Variants in FRMD3 observed in about 807,000 individuals in gnomAD.
FRMD3 encodes the protein FERM domain-containing protein 3.
Under a neutral mutation model 70.2 loss-of-function variants are expected in FRMD3, and 33 were observed. The ratio of observed to expected loss-of-function variants is 0.47; its 90% CI spans 0.36 to 0.63. The LOEUF is 0.63. Ranked by LOEUF, FRMD3 falls within the 20% of genes least tolerant of loss-of-function variation. The pLI is 0.00. For synonymous variants in FRMD3, 279 were observed against 255.9 expected (o/e 1.09, Z -0.86); for missense variants, 632 against 711.4 (o/e 0.89, Z 1.27).
chr9:83,342,692 T>TTAGATAGA (rs71498046), intron 5 of FRMD3, among the ~76,000 whole-genome samples: 4,433 of 146,970 alleles, frequency 0.03, 81 homozygotes, highest in East Asian at 0.041. Context: ...GATGGATAGA[T>TTAGATAGA]TAGATAGATA....
chr9:83,459,976 T>A (rs1827924966), intron 1 of FRMD3, among the ~76,000 whole-genome samples: 1 of 152,224 alleles, frequency 6.6e-6, no homozygotes, highest in Non-Finnish European at 1.5e-5. Flanking sequence ...AGCTCTCTGG[T>A]GTCTCTTCTT....
In FRMD3 at chr9:83,427,154, A is replaced by C. The variant is rs116675388; in HGVS notation, c.148-37446T>G. On this transcript the variant is annotated intron_variant, in intron 1 of 13. Transcript: ENST00000304195. ...AATTCAGGTTCCCAGACCAAAGTGT[A>C]ATCTGTGGAATCAGAAACCCATGAG... 2.6e-3 allele frequency among the ~76,000 whole-genome samples: 395 copies of C among 152,328 alleles called. 3 individuals are homozygous for C. Among genetic ancestry groups the C allele is most frequent in the African/African-American group, 9.1e-3 (380 of 41,574 alleles).
At chr9:83,321,225 GT>G (rs1835788409) in intron 6 of FRMD3, among the ~76,000 whole-genome samples, 1 of 152,030 alleles carries the variant, frequency 6.6e-6, no homozygotes, top group Admixed American at 6.6e-5. Context: ...TCTGCTAAGT[GT>G]GTGTTTAGTT....
chr9:83,408,411 A>C (rs2131334492), intron 1 of FRMD3, among the ~76,000 whole-genome samples: 1 of 152,238 alleles, frequency 6.6e-6, no homozygotes, highest in South Asian at 2.1e-4. Flanking sequence ...TCATGTCCTA[A>C]GAACCCCCAC....
the FRMD3 span, among the ~76,000 whole-genome samples, chr9:83,559,227 T>C: frequency 6.6e-6 from 1 of 152,216 alleles, no homozygotes; most frequent in Non-Finnish European, 1.5e-5. Context: ...GCAAACTTTA[T>C]AGTTGTCTTA....
chr9:83,551,562 C>T, the FRMD3 span, among the ~76,000 whole-genome samples: 1 of 152,116 alleles, frequency 6.6e-6, no homozygotes, highest in Non-Finnish European at 1.5e-5. Flanking sequence ...ACCACCTCTT[C>T]TTTGTACATC....
At chr9:83,492,336 C>T (rs764875874) in intron 1 of FRMD3, among the ~76,000 whole-genome samples, 3 of 151,870 alleles carry the variant, frequency 2.0e-5, no homozygotes, top group Non-Finnish European at 2.9e-5. Context: ...TCATTCATAA[C>T]AAAAACATTA....
intron 1 of FRMD3, among the ~76,000 whole-genome samples, chr9:83,488,222 G>A (rs1313315937): frequency 2.0e-5 from 3 of 152,198 alleles, no homozygotes; most frequent in African/African-American, 7.2e-5. Flanking sequence ...CATGGAGGAT[G>A]CACAACATCT....
chr9:83,408,938 A>C (rs1183310732), intron 1 of FRMD3, among the ~76,000 whole-genome samples: 2 of 152,232 alleles, frequency 1.3e-5, no homozygotes, highest in Non-Finnish European at 2.9e-5. Flanking sequence ...GCGAGAAGGA[A>C]GAGAGCAGCA....
intron 1 of FRMD3, among the ~76,000 whole-genome samples, chr9:83,527,655 G>C (rs1829713407): frequency 6.6e-6 from 1 of 152,120 alleles, no homozygotes; most frequent in Non-Finnish European, 1.5e-5. Context: ...AAGACTTCCT[G>C]AATCCGAGTC....
At chr9:83,383,718 C>A (rs1825426999) in intron 2 of FRMD3, among the ~76,000 whole-genome samples, 1 of 152,174 alleles carries the variant, frequency 6.6e-6, no homozygotes, top group South Asian at 2.1e-4. Context: ...CTGATTTTTC[C>A]TGACTCAAAC....
At chr9:83,527,613 T>A (rs975190912) in intron 1 of FRMD3, among the ~76,000 whole-genome samples, 1 of 152,084 alleles carries the variant, frequency 6.6e-6, no homozygotes, top group African/African-American at 2.4e-5. Flanking sequence ...CCTGGAAGCG[T>A]GCTAAGAATG....
intron 5 of FRMD3, among the ~76,000 whole-genome samples, chr9:83,337,984 T>A (rs1823633662): frequency 5.3e-5 from 8 of 152,214 alleles, no homozygotes; most frequent in Admixed American, 4.6e-4. Flanking sequence ...AGATGACAAC[T>A]TGAAAGAACA....
chr9:83,341,314 T>TA (rs1823746502), intron 5 of FRMD3, among the ~76,000 whole-genome samples: 1 of 152,130 alleles, frequency 6.6e-6, no homozygotes. Flanking sequence ...TCAGTAATAA[T>TA]AGCAATGAGG....
intron 3 of FRMD3, among the ~76,000 whole-genome samples, chr9:83,363,520 T>C (rs965564452): frequency 6.6e-6 from 1 of 151,140 alleles, no homozygotes; most frequent in African/African-American, 2.4e-5. Flanking sequence ...GATAGATTTG[T>C]AGAAATTGAT....
At chr9:83,302,321 C>T (rs368698831) in intron 10 of FRMD3, among the ~76,000 whole-genome samples, 5 of 152,282 alleles carry the variant, frequency 3.3e-5, no homozygotes, top group African/African-American at 1.2e-4. Flanking sequence ...AAGAAGTCCA[C>T]TTACATTGGA....
rs139429047 is a variant in FRMD3 at position 83,492,551 on chromosome 9, G to A, written c.147+45534C>T. On this transcript the variant is annotated intron_variant, in intron 1 of 13. Transcript: ENST00000304195. ...TGGGGCCAGGGCAGGCAGGAGGAACGGGGGAGCAGGACTGCAGCCCCTTTT... is the reference window on the plus strand; with the variant it reads ...TGGGGCCAGGGCAGGCAGGAGGAACAGGGGAGCAGGACTGCAGCCCCTTTT... Among the ~76,000 whole-genome samples, 1,142 of 152,278 alleles carry A rather than the reference G, an allele frequency of 7.5e-3. 17 individuals are homozygous for A. The highest frequency in any genetic ancestry group is 0.025 in the African/African-American group (1,028 of 41,548).
At chr9:83,457,926 G>T (rs1827865966) in intron 1 of FRMD3, among the ~76,000 whole-genome samples, 1 of 141,578 alleles carries the variant, frequency 7.1e-6, no homozygotes, top group African/African-American at 2.6e-5. Context: ...TATTCCTCAA[G>T]TATACCTCAA....
intron 4 of FRMD3, among the ~76,000 whole-genome samples, chr9:83,348,714 A>G (rs3860903): frequency 0.27 from 41,570 of 151,966 alleles, 6,575 homozygotes; most frequent in Non-Finnish European, 0.35. Context: ...TATTACCCTC[A>G]TTTCCACACA....
Sources: gnomAD v4.1 joint callset for allele counts (sites outside exome capture counted in the v4.1 genomes callset) on GRCh38, gnomAD v4.1.1 for gene constraint, MANE v1.5 for transcripts, NCBI Gene and HGNC (gene_info 2026-07-23, HGNC 2026-07-21) for gene names.